The following DAP variants were observed in gnomAD, a reference collection of about 807,000 sequenced individuals.
The protein encoded by DAP is death associated protein.
A neutral mutation model predicts 13.8 loss-of-function variants in DAP; 8 were observed. That is an observed-to-expected ratio of 0.58 (90% CI 0.34 to 1.05). The LOEUF (loss-of-function observed/expected upper bound fraction) is 1.05. Ranked by LOEUF, DAP falls within the 50% of genes least tolerant of loss-of-function variation. The pLI is 0.03. For missense variants in DAP, 106 were observed against 133.2 expected, an observed-to-expected ratio of 0.80 and a Z score of 1.01; for synonymous variants, 47 against 47.5, an observed-to-expected ratio of 0.99 and a Z score of 0.04.
intron 2 of DAP, among the ~76,000 whole-genome samples, chr5:10,721,956 T>C (rs780718483): frequency 2.5e-4 from 38 of 152,364 alleles, no homozygotes; most frequent in Non-Finnish European, 4.7e-4. Flanking sequence ...GCTAATCTTA[T>C]GTAATAGTAT....
chr5:10,756,376 T>TC (rs1331018821), intron 1 of DAP, among the ~76,000 whole-genome samples: 34 of 91,590 alleles, frequency 3.7e-4, no homozygotes, highest in Non-Finnish European at 4.1e-4. Context: ...CTTCTGTTTC[T>TC]AGCAATGGAT....
intron 2 of DAP, among the ~76,000 whole-genome samples, chr5:10,745,919 C>T (rs1023742624): frequency 6.6e-6 from 1 of 152,196 alleles, no homozygotes; most frequent in Non-Finnish European, 1.5e-5. Context: ...CTCTTAGCCT[C>T]GATTCCCAAC....
chr5:10,727,795 C>T (rs1180988041), intron 2 of DAP, among the ~76,000 whole-genome samples: 2 of 152,212 alleles, frequency 1.3e-5, no homozygotes, highest in Non-Finnish European at 2.9e-5. Context: ...CCTGTGGATA[C>T]CACAATCCCA....
intron 2 of DAP, chr5:10,734,182 C>T (rs1327136648): frequency 6.6e-6 from 1 of 152,238 alleles, no homozygotes; most frequent in Non-Finnish European, 1.5e-5. Context: ...CTGATAGCCC[C>T]ATTTCCTTTC....
At chr5:10,749,296 A>G (rs539792024) in intron 1 of DAP, among the ~76,000 whole-genome samples, 1 of 152,306 alleles carries the variant, frequency 6.6e-6, no homozygotes, top group Admixed American at 6.5e-5. Flanking sequence ...TTGTATGGAC[A>G]TATGTTTTCA....
chr5:10,727,060 T>C (rs1739305027), intron 2 of DAP, among the ~76,000 whole-genome samples: 1 of 152,214 alleles, frequency 6.6e-6, no homozygotes. Context: ...TTTAGGGAAG[T>C]GGAAGGGAAA....
intron 2 of DAP, among the ~76,000 whole-genome samples, chr5:10,688,661 T>A (rs533387970): frequency 2.6e-5 from 4 of 151,732 alleles, no homozygotes; most frequent in Non-Finnish European, 5.9e-5. Flanking sequence ...TTATAAAGAT[T>A]GACACACACA....
intron 2 of DAP, among the ~76,000 whole-genome samples, chr5:10,738,317 T>C (rs1181298039): frequency 6.6e-6 from 1 of 152,276 alleles, no homozygotes; most frequent in African/African-American, 2.4e-5. Flanking sequence ...TTGCAAAGTA[T>C]TCCCCCATGA....
At chr5:10,718,610 G>A in intron 2 of DAP, among the ~76,000 whole-genome samples, 1 of 152,228 alleles carries the variant, frequency 6.6e-6, no homozygotes, top group East Asian at 1.9e-4. Context: ...CAGAAGACAG[G>A]TGGATCTTGG....
At chr5:10,731,152 C>A (rs1339572143) in intron 2 of DAP, among the ~76,000 whole-genome samples, 1 of 84,382 alleles carries the variant, frequency 1.2e-5, no homozygotes, top group African/African-American at 5.3e-5. Flanking sequence ...TCTTTCTCTA[C>A]TGAGAGCCCT....
chr5:10,697,264 C>T (rs1326957346), intron 2 of DAP, among the ~76,000 whole-genome samples: 1 of 152,194 alleles, frequency 6.6e-6, no homozygotes, highest in Non-Finnish European at 1.5e-5. Flanking sequence ...TGCTTTATTA[C>T]ATGGTTAGCT....
At chr5:10,751,643 G>A (rs141556958) in intron 1 of DAP, among the ~76,000 whole-genome samples, 1 of 152,188 alleles carries the variant, frequency 6.6e-6, no homozygotes, top group African/African-American at 2.4e-5. Context: ...AATTGTAATT[G>A]TATTTGGAGA....
intron 2 of DAP, among the ~76,000 whole-genome samples, 161 bp from the exon 3 acceptor site, chr5:10,683,732 G>A (rs1017048228): frequency 1.3e-5 from 2 of 152,178 alleles, no homozygotes; most frequent in East Asian, 1.9e-4. Flanking sequence ...ATCACACTAC[G>A]GGGCTCGGGA....
chr5:10,701,168 G>C (rs1401038402), intron 2 of DAP, among the ~76,000 whole-genome samples: 1 of 152,138 alleles, frequency 6.6e-6, no homozygotes, highest in Admixed American at 6.5e-5. Context: ...TATTTCCCAA[G>C]GAAACAAAAA....
In DAP at chr5:10,701,084, G is replaced by A. The variant is rs149053748; in HGVS notation, c.153-17513C>T. 3.1e-3 allele frequency among the ~76,000 whole-genome samples: 472 copies of A among 152,346 alleles called. 1 individual carries two copies. The highest frequency in any genetic ancestry group is 0.01 in the African/African-American group (430 of 41,572). On this transcript the variant is annotated intron_variant, in intron 2 of 3. Transcript: ENST00000230895. ...CCCACAGAGAGGTGAACACCCAGGA[G>A]GCAAACCATGGCATCTGGCTGGGGC...
chr5:10,738,459 A>C (rs1739670370), intron 2 of DAP, among the ~76,000 whole-genome samples: 1 of 152,158 alleles, frequency 6.6e-6, no homozygotes, highest in Non-Finnish European at 1.5e-5. Flanking sequence ...CTCCTGATCC[A>C]ATGCATCAAG....
chr5:10,713,984 T>C (rs1049885314), intron 2 of DAP, among the ~76,000 whole-genome samples: 1 of 152,268 alleles, frequency 6.6e-6, no homozygotes, highest in Non-Finnish European at 1.5e-5. Context: ...TCACTTAAAC[T>C]AGGCCGTGGG....
chr5:10,750,470 T>C (rs2918411), intron 1 of DAP, among the ~76,000 whole-genome samples: 60,126 of 152,002 alleles, frequency 0.4, 12,876 homozygotes, highest in African/African-American at 0.55. Flanking sequence ...AAAATCTCCC[T>C]GCTGCCCGCA....
At chr5:10,725,113 G>A (rs541573841) in intron 2 of DAP, among the ~76,000 whole-genome samples, 6 of 152,196 alleles carry the variant, frequency 3.9e-5, no homozygotes, top group Non-Finnish European at 8.8e-5. Context: ...TTCTTCAGCC[G>A]TGTTTGTTTT....
Sources: gnomAD v4.1 joint callset for allele counts (sites outside exome capture counted in the v4.1 genomes callset) on GRCh38, gnomAD v4.1.1 for gene constraint, MANE v1.5 for transcripts, NCBI Gene and HGNC (gene_info 2026-07-23, HGNC 2026-07-21) for gene names.